PPP4R3B: variants seen among roughly 807,000 people sequenced by gnomAD.
PPP4R3B encodes protein phosphatase 4 regulatory subunit 3B.
A neutral mutation model predicts 95.4 loss-of-function variants in PPP4R3B; 52 were observed. The ratio of observed to expected loss-of-function variants is 0.54; its 90% CI spans 0.44 to 0.69. The LOEUF is 0.69. PPP4R3B is among the 30% of genes least tolerant of loss of function. PPP4R3B has a pLI of 0.00. For synonymous variants in PPP4R3B, 407 were observed against 343.9 expected, an observed-to-expected ratio of 1.18 and a Z score of -2.03; for missense variants, 1,003 against 1,005.9, an observed-to-expected ratio of 1.00 and a Z score of 0.04.
chr2:55,604,896 G>A (rs1022404508), intron 2 of PPP4R3B, among the ~76,000 whole-genome samples: 27 of 152,036 alleles, frequency 1.8e-4, no homozygotes, highest in Admixed American at 1.4e-3. Context: ...CTAGAGTGTA[G>A]GGGTACAATC....
intron 4 of PPP4R3B, among the ~76,000 whole-genome samples, chr2:55,592,938 A>G (rs1574842996): frequency 1.3e-5 from 2 of 152,064 alleles, no homozygotes; most frequent in African/African-American, 4.8e-5. Flanking sequence ...AGGCGGGTGG[A>G]TCACCTGAGG....
intron 4 of PPP4R3B, 99 bp downstream of exon 4, chr2:55,598,313 AAAAT>A: frequency 8.2e-7 from 1 of 1,222,084 alleles, no homozygotes; most frequent in South Asian, 1.6e-5. Context: ...ACATTTAAAC[AAAAT>A]AAATCTTTCA....
At position 55,568,202 on chromosome 2, in the gene PPP4R3B, T is replaced by C. The variant is rs756106139; in HGVS notation, c.1927A>G (p.Ile643Val). The C allele has an allele frequency of 6.5e-7, 1 of 1,549,618 alleles. No individual in the cohort carries two copies. The highest frequency in any genetic ancestry group is 8.7e-7 in the Non-Finnish European group (1 of 1,150,748). Residue 643 changes from isoleucine (I) to valine (V), a missense_variant, in exon 13 of 17, where the codon ATA becomes GTA. Around this residue, in one of 3 missense-constraint regions of PPP4R3B, gnomAD observed 79 missense variants for 124.9 expected, o/e 0.63. Coordinates refer to ENST00000616407, the MANE Select transcript of PPP4R3B (RefSeq NM_001122964.3). ...NSAVIELFEF[I>V]RVEDIKSLTA... is the part of the protein sequence containing the mutation. ...GTTTTATATAAACTTACCACTCTTATAAATTCAAACAACTCAATAACAGCT... is the reference window on the plus strand; with the variant it reads ...GTTTTATATAAACTTACCACTCTTACAAATTCAAACAACTCAATAACAGCT...
chr2:55,583,848 A>T (rs1689743872), intron 7 of PPP4R3B, among the ~76,000 whole-genome samples: 1 of 152,252 alleles, frequency 6.6e-6, no homozygotes, highest in African/African-American at 2.4e-5. Context: ...ACATAAAACA[A>T]CTATAATTTC....
At chr2:55,566,370 T>G (rs191685068) in intron 13 of PPP4R3B, among the ~76,000 whole-genome samples, 1 of 152,204 alleles carries the variant, frequency 6.6e-6, no homozygotes, top group Non-Finnish European at 1.5e-5. Context: ...AATTCCATCA[T>G]GGGCATAGGG....
chr2:55,609,607 G>T (rs1431242344), intron 2 of PPP4R3B, among the ~76,000 whole-genome samples: 2 of 150,382 alleles, frequency 1.3e-5, no homozygotes, highest in Non-Finnish European at 2.9e-5. Flanking sequence ...AGTTAAAGCT[G>T]CAGTAAGCCA....
chr2:55,586,555 C>T, intron 6 of PPP4R3B, 63 bp downstream of exon 6: 1 of 887,228 alleles, frequency 1.1e-6, no homozygotes, highest in South Asian at 1.6e-5. Flanking sequence ...ATTTTCCCAT[C>T]CATAACATAA....
chr2:55,586,552 C>T (rs1212531964), intron 6 of PPP4R3B, 66 bp downstream of exon 6: 9 of 841,786 alleles, frequency 1.1e-5, no homozygotes, highest in Non-Finnish European at 1.7e-5. Context: ...TATATTTTCC[C>T]ATCCATAACA....
intron 4 of PPP4R3B, among the ~76,000 whole-genome samples, chr2:55,593,892 C>T (rs1691381704): frequency 1.3e-5 from 2 of 152,090 alleles, no homozygotes; most frequent in African/African-American, 4.8e-5. Context: ...TTCATGATAG[C>T]AAAGTCATGG....
In PPP4R3B at chr2:55,614,770, T is replaced by C. The variant is rs1023877263; in HGVS notation, c.198+681A>G. The C allele has an allele frequency of 3.3e-5, 5 of 152,340 alleles. No homozygotes were observed. In the East Asian group the frequency reaches 7.7e-4, roughly 23 times the overall value. The allele number at this position is 152,340 out of a possible 1,614,324, so 9.4% of individuals were successfully genotyped here. ...ATTGTTAAATCTGGTGGTGTTACAGTAGACACCGATTATTCTCTGTACTTT... is the reference window on the plus strand; with the variant it reads ...ATTGTTAAATCTGGTGGTGTTACAGCAGACACCGATTATTCTCTGTACTTT... On this transcript the variant is annotated intron_variant, in intron 2 of 16. Transcript: ENST00000616407.
intron 15 of PPP4R3B, among the ~76,000 whole-genome samples, 191 bp from the exon 16 acceptor site, chr2:55,559,159 CA>C (rs1686256622): frequency 6.6e-6 from 1 of 151,982 alleles, no homozygotes; most frequent in Non-Finnish European, 1.5e-5. Context: ...CCAGCCTGAC[CA>C]ACATGGAGAA....
At chr2:55,598,318 A>G (rs1371552206) in intron 4 of PPP4R3B, 98 bp downstream of exon 4, 1 of 1,243,204 alleles carries the variant, frequency 8.0e-7, no homozygotes, top group African/African-American at 1.5e-5. Flanking sequence ...TAAACAAAAT[A>G]AATCTTTCAA....
At chr2:55,574,038 G>A (rs1174706111) in intron 11 of PPP4R3B, among the ~76,000 whole-genome samples, 12 of 151,460 alleles carry the variant, frequency 7.9e-5, no homozygotes, top group African/African-American at 2.7e-4. Flanking sequence ...ACAGATGTAC[G>A]CCACCATGCT....
chr2:55,580,221 G>A (rs1254785735), intron 8 of PPP4R3B, among the ~76,000 whole-genome samples: 1 of 152,050 alleles, frequency 6.6e-6, no homozygotes, highest in Non-Finnish European at 1.5e-5. Context: ...TATTACACTT[G>A]CAAACTGCTA....
intron 3 of PPP4R3B, among the ~76,000 whole-genome samples, chr2:55,601,739 T>C (rs1692645472): frequency 6.6e-6 from 1 of 152,208 alleles, no homozygotes; most frequent in African/African-American, 2.4e-5. Flanking sequence ...CTACCAACTC[T>C]TACTTTTCAG....
intron 4 of PPP4R3B, among the ~76,000 whole-genome samples, chr2:55,592,536 G>C (rs1691178700): frequency 6.6e-6 from 1 of 152,074 alleles, no homozygotes; most frequent in Non-Finnish European, 1.5e-5. Context: ...TTTTTAAAGA[G>C]TATCTGAAGA....
intron 4 of PPP4R3B, among the ~76,000 whole-genome samples, 186 bp from the exon 5 acceptor site, chr2:55,589,142 T>A (rs950042565): frequency 3.3e-5 from 5 of 150,324 alleles, no homozygotes; most frequent in African/African-American, 1.2e-4. Flanking sequence ...ATTCTTGTTA[T>A]AAATACATCA....
intron 7 of PPP4R3B, among the ~76,000 whole-genome samples, chr2:55,583,536 G>C (rs879208599): frequency 6.6e-6 from 1 of 152,174 alleles, no homozygotes; most frequent in Admixed American, 6.5e-5. Context: ...CATGGTCTGA[G>C]ATTGATTCAT....
intron 3 of PPP4R3B, among the ~76,000 whole-genome samples, chr2:55,599,522 T>C (rs1420013466): frequency 6.6e-6 from 1 of 152,186 alleles, no homozygotes; most frequent in Non-Finnish European, 1.5e-5. Context: ...ATGACTCTCA[T>C]GAGTAGGGCC....
Sources: gnomAD v4.1 joint callset for allele counts (sites outside exome capture counted in the v4.1 genomes callset) on GRCh38, gnomAD v4.1.1 for gene constraint, gnomAD v4.1.1 regional missense constraint, MANE v1.5 for transcripts, NCBI Gene and HGNC (gene_info 2026-07-23, HGNC 2026-07-21) for gene names.